MDN1: variants seen among roughly 807,000 people sequenced by gnomAD.
MDN1 encodes midasin.
MDN1 carries 266 observed loss-of-function variants against 669.2 expected under a neutral mutation model. The ratio of observed to expected loss-of-function variants is 0.40; its 90% CI spans 0.36 to 0.44. MDN1 has a LOEUF of 0.44. Ranked by LOEUF, MDN1 falls within the 20% of genes least tolerant of loss-of-function variation. MDN1 has a pLI of 1.00. For missense variants in MDN1, 5,940 were observed against 6,754.0 expected (o/e 0.88, Z 4.22); for synonymous variants, 2,385 against 2,457.1 (o/e 0.97, Z 0.87).
intron 26 of MDN1, among the ~76,000 whole-genome samples, chr6:89,748,128 C>T (rs1480541805): frequency 6.6e-6 from 1 of 151,956 alleles, no homozygotes; most frequent in Non-Finnish European, 1.5e-5. Flanking sequence ...AGATCGAGAC[C>T]ATCCTGGTCA....
rs1810053408 is a variant in MDN1 at position 89,664,637 on chromosome 6, A to G, written c.14095-9T>C. ...TGAAATGTATCTTCCACCTACATAAAGAAGTATTAAACATAAATAAATGAA... is the reference window on the plus strand; with the variant it reads ...TGAAATGTATCTTCCACCTACATAAGGAAGTATTAAACATAAATAAATGAA... On this transcript the variant is annotated splice_polypyrimidine_tract_variant and intron_variant, in intron 84 of 101. Transcript: ENST00000369393. The G allele has an allele frequency of 6.3e-7, 1 of 1,596,696 alleles. No individual in the cohort carries two copies. Among genetic ancestry groups the G allele is most frequent in the African/African-American group, 1.3e-5 (1 of 74,182 alleles).
intron 71 of MDN1, among the ~76,000 whole-genome samples, chr6:89,684,199 C>T (rs927520708): frequency 2.0e-5 from 3 of 151,924 alleles, no homozygotes; most frequent in African/African-American, 4.8e-5. Flanking sequence ...AAAAAATAGC[C>T]GGGCTTGGTG....
chr6:89,708,082 A>G (rs933728479), intron 51 of MDN1, among the ~76,000 whole-genome samples: 1 of 152,146 alleles, frequency 6.6e-6, no homozygotes, highest in Non-Finnish European at 1.5e-5. Flanking sequence ...CAGGTGGATC[A>G]CTTGAGCTTA....
At chr6:89,662,734 G>A in intron 86 of MDN1, 58 bp downstream of exon 86, 1 of 1,561,396 alleles carries the variant, frequency 6.4e-7, no homozygotes, top group Non-Finnish European at 8.8e-7. Context: ...AGAATGGTAG[G>A]TTGTGGGCAG....
intron 33 of MDN1, among the ~76,000 whole-genome samples, chr6:89,735,315 T>C (rs1815891874): frequency 2.0e-5 from 3 of 151,352 alleles, no homozygotes; most frequent in South Asian, 4.2e-4. Flanking sequence ...AAGCAGTTCA[T>C]GTGCCTTTCA....
At chr6:89,802,260 A>C (rs2128328974) in intron 2 of MDN1, among the ~76,000 whole-genome samples, 1 of 152,332 alleles carries the variant, frequency 6.6e-6, no homozygotes, top group African/African-American at 2.4e-5. Context: ...GCTCAGACCA[A>C]CAGTGTTTTC....
At chr6:89,646,637 C>G (rs751776160) in intron 99 of MDN1, 34 bp from the exon 100 acceptor site, 57 of 1,561,400 alleles carry the variant, frequency 3.7e-5, no homozygotes, top group Non-Finnish European at 4.6e-5. Flanking sequence ...AATTAGAAAA[C>G]TATGTGAATG....
chr6:89,736,470 G>A (rs905903938), intron 33 of MDN1, among the ~76,000 whole-genome samples: 1 of 152,174 alleles, frequency 6.6e-6, no homozygotes, highest in African/African-American at 2.4e-5. Flanking sequence ...AGACCCAAAA[G>A]ACAAACCATG....
chr6:89,794,958 T>C (rs1227527221), intron 2 of MDN1, among the ~76,000 whole-genome samples, 157 bp from the exon 3 acceptor site: 1 of 152,214 alleles, frequency 6.6e-6, no homozygotes, highest in Non-Finnish European at 1.5e-5. Context: ...GGGAATATCA[T>C]AGAACGCAAT....
chr6:89,662,828 G>T lies in MDN1; in HGVS notation c.14376C>A (p.Asp4792Glu), dbSNP rs370885116. Residue 4792 changes from aspartate to glutamate, a missense_variant, in exon 86 of 102, where the codon GAC becomes GAA. By Grantham distance (45) the Asp-to-Glu change is conservative (BLOSUM62 2). Transcript: ENST00000369393. ...CTGGTCCTGTTTCTTCAGTTTTATT[G>T]TCTTCTTCCTCCTCATCTTCCTCCT... ...DDEEEDEEEE[D>E]NKTEETGPGM... 30 of 1,613,822 alleles carry T rather than the reference G, an allele frequency of 1.9e-5. No individual in the cohort carries two copies. The highest frequency in any genetic ancestry group is 2.7e-5 in the African/African-American group (2 of 74,852).
intron 71 of MDN1, among the ~76,000 whole-genome samples, chr6:89,684,268 G>C (rs1480623074): frequency 1.3e-5 from 2 of 151,994 alleles, no homozygotes; most frequent in African/African-American, 4.8e-5. Flanking sequence ...GCTTGAACCC[G>C]GGAGGCAAAG....
At chr6:89,814,986 C>A in intron 1 of MDN1, 1 of 591,576 alleles carries the variant, frequency 1.7e-6, no homozygotes. Context: ...AGGAGTCCTG[C>A]CAAAGTAGCA....
intron 27 of MDN1, among the ~76,000 whole-genome samples, chr6:89,745,956 T>C (rs879117964): frequency 2.9e-4 from 44 of 152,228 alleles, no homozygotes; most frequent in Middle Eastern, 3.4e-3. Flanking sequence ...GGTGTCGTCA[T>C]ACAGTGGATT....
chr6:89,698,774 C>G, intron 59 of MDN1, 91 bp downstream of exon 59: 1 of 1,352,668 alleles, frequency 7.4e-7, no homozygotes, highest in South Asian at 1.2e-5. Flanking sequence ...TTAGTCACCA[C>G]TCTATGCTAG....
intron 11 of MDN1, among the ~76,000 whole-genome samples, chr6:89,777,648 C>T (rs902079288): frequency 9.2e-5 from 14 of 152,106 alleles, no homozygotes; most frequent in Admixed American, 1.3e-4. Context: ...TGTGACTTCC[C>T]CAGCTGCTCC....
At chr6:89,710,634 A>T (rs761466361) in intron 50 of MDN1, 47 bp downstream of exon 50, 76 of 1,126,788 alleles carry the variant, frequency 6.7e-5, no homozygotes, top group Non-Finnish European at 9.1e-5. Flanking sequence ...AAGTCAAAAG[A>T]TAAGTTTCCA....
In MDN1 at chr6:89,682,776, CAAAAAAA is replaced by C. The variant is rs1168971439; in HGVS notation, c.12102+349_12102+355del. Among the ~76,000 whole-genome samples the C allele has an allele frequency of 4.8e-4, 17 of 35,296 alleles. No homozygotes were observed. The East Asian group carries it at 8.7e-3, about 18-fold the overall frequency. 23.2% of individuals were successfully genotyped at this position (35,296 alleles called of 152,430 possible). A position where few individuals can be genotyped will look rare whatever the true frequency, so the allele number is the denominator to read the frequency against. ...GCAACAAAGTGAGACCTCATCTCTA[CAAAAAAA>C]AAAAAAAAAAAAAAAATAGCCAGGC... On this transcript the variant is annotated intron_variant, in intron 73 of 101. Transcript: ENST00000369393.
rs571090433 is a variant in MDN1, at chr6:89,786,662, C to T, written c.1334+1192G>A. Among the ~76,000 whole-genome samples the T allele has an allele frequency of 2.0e-5, 3 of 152,038 alleles. No homozygotes were observed. The South Asian group carries it at 6.2e-4, about 32-fold the overall frequency. On this transcript the variant is annotated intron_variant, in intron 8 of 101. Transcript: ENST00000369393. ...AACAGGATTGGGCCGGGCACGGTGG[C>T]TCACGCCTGTAATCCCAGCACATCA... is the stretch of plus-strand genomic sequence containing the variant.
chr6:89,696,465 G>A lies in MDN1; in HGVS notation c.9278C>T (p.Ser3093Phe), dbSNP rs1213598686. 5 of 1,614,212 alleles carry A rather than the reference G, an allele frequency of 3.1e-6. No individual in the cohort carries two copies. Among genetic ancestry groups the A allele is most frequent in the East Asian group, 4.5e-5 (2 of 44,876 alleles). The change falls in exon 60 of 102, where the codon TCC becomes TTC. Residue 3093 changes from serine to phenylalanine, a missense_variant. By Grantham distance (155) the Ser-to-Phe change is radical. Coordinates refer to ENST00000369393, the MANE Select transcript of MDN1 (RefSeq NM_014611.3). ...CCACTCTCCTAGGGTCACGTGAGAG[G>A]AGGAAAGAATGGGGAGGCCACTCAC... The part of the protein sequence containing the change: ...WDVSGLPILS[S>F]SHVTLGEWVE...
Sources: allele counts gnomAD v4.1 joint callset (sites outside exome capture counted in the v4.1 genomes callset), GRCh38; gene constraint gnomAD v4.1.1; transcripts MANE v1.5; gene names NCBI Gene and HGNC (gene_info 2026-07-23, HGNC 2026-07-21).